SERPINB12: variants seen among roughly 807,000 people sequenced by gnomAD.
SERPINB12 encodes serpin B12.
Under a neutral mutation model 41.1 loss-of-function variants are expected in SERPINB12, and 57 were observed. The ratio of observed to expected loss-of-function variants is 1.39; its 90% CI spans 1.12 to 1.73. The LOEUF is 1.73. Ranked by LOEUF, SERPINB12 falls within the 40% of genes most tolerant of loss-of-function variation. The pLI, the probability that SERPINB12 is intolerant of heterozygous loss-of-function variation, is 0.00. For synonymous variants in SERPINB12, 180 were observed against 181.3 expected, an observed-to-expected ratio of 0.99 and a Z score of 0.06; for missense variants, 536 against 501.9, an observed-to-expected ratio of 1.07 and a Z score of -0.65.
the SERPINB12 span, among the ~76,000 whole-genome samples, chr18:63,527,928 T>A: frequency 6.6e-6 from 1 of 151,946 alleles, no homozygotes; most frequent in Non-Finnish European, 1.5e-5. Context: ...TTTCCCGTGC[T>A]GTTCTCATGA....
intron 5 of SERPINB12, among the ~76,000 whole-genome samples, chr18:63,562,276 G>C (rs1365555754): frequency 6.6e-6 from 1 of 152,250 alleles, no homozygotes; most frequent in Non-Finnish European, 1.5e-5. Flanking sequence ...GAAGGGTCAG[G>C]TCAGGCTGCT....
At chr18:63,549,863 C>T (rs1910480121) in intron 1 of SERPINB12, among the ~76,000 whole-genome samples, 1 of 152,144 alleles carries the variant, frequency 6.6e-6, no homozygotes, top group Non-Finnish European at 1.5e-5. Context: ...CTTTTGTGAG[C>T]ACAAGTGTTA....
Position 63,557,317 on chromosome 18 carries a change from A to G in SERPINB12, c.168+990A>G, listed in dbSNP as rs552472434. Among the ~76,000 whole-genome samples the G allele has an allele frequency of 2.3e-4, 35 of 152,130 alleles. No homozygotes were observed. In the South Asian group the frequency reaches 7.1e-3, roughly 31 times the overall value. On this transcript the variant is annotated intron_variant, in intron 2 of 7. Transcript: ENST00000382768. ...TATACGGGGCCTACTTTGACCTCCTAATCTAGTGCTGCATCCTGACCTCCA... is the reference window on the plus strand; with the variant it reads ...TATACGGGGCCTACTTTGACCTCCTGATCTAGTGCTGCATCCTGACCTCCA...
intron 2 of SERPINB12, among the ~76,000 whole-genome samples, chr18:63,557,777 T>C (rs542384574): frequency 6.6e-6 from 1 of 152,318 alleles, no homozygotes; most frequent in East Asian, 1.9e-4. Flanking sequence ...ACTTGTCTTT[T>C]GCTGTCCTCA....
Position 63,566,961 on chromosome 18 carries a change from CACA to C in SERPINB12, c.1233_1235del (p.Asn411del). The C allele has an allele frequency of 6.2e-7, 1 of 1,612,154 alleles. No homozygotes were observed. The highest frequency in any genetic ancestry group is 1.3e-5 in the African/African-American group (1 of 74,916). ...CCACCCTTTTCTCTTTTTCATTAGA[CACA>C]ACAAAACCCAAACCATTCTCTTTTA... On this transcript the variant is annotated inframe_deletion, in exon 8 of 8. Coordinates refer to ENST00000382768, the MANE Select transcript of SERPINB12 (RefSeq NM_001307928.2).
the SERPINB12 span, among the ~76,000 whole-genome samples, chr18:63,534,497 G>A: frequency 1.3e-5 from 2 of 152,088 alleles, no homozygotes; most frequent in Non-Finnish European, 2.9e-5. Flanking sequence ...TCATGAACCG[G>A]CATGATATTG....
At chr18:63,536,736 T>C in the SERPINB12 span, among the ~76,000 whole-genome samples, 1 of 152,274 alleles carries the variant, frequency 6.6e-6, no homozygotes, top group Non-Finnish European at 1.5e-5. Context: ...TGCTAGGTAC[T>C]ACATGGTGTA....
intron 1 of SERPINB12, among the ~76,000 whole-genome samples, chr18:63,548,228 A>T (rs1910434174): frequency 1.3e-5 from 2 of 152,136 alleles, no homozygotes; most frequent in Admixed American, 1.3e-4. Flanking sequence ...AGCAAAATAG[A>T]TCATTTGTTG....
At chr18:63,524,754 C>CTTT in the SERPINB12 span, among the ~76,000 whole-genome samples, 7 of 138,488 alleles carry the variant, frequency 5.1e-5, no homozygotes, top group Admixed American at 1.4e-4. Context: ...TTTCCCTTTC[C>CTTT]TTTTTTTTTT....
intron 6 of SERPINB12, 132 bp from the exon 7 acceptor site, chr18:63,565,313 C>G: frequency 1.3e-6 from 1 of 748,066 alleles, no homozygotes; most frequent in East Asian, 2.6e-5. Flanking sequence ...GGCTGGATCC[C>G]TGGTGTGGCT....
chr18:63,527,173 C>A, the SERPINB12 span, among the ~76,000 whole-genome samples: 3 of 152,120 alleles, frequency 2.0e-5, no homozygotes, highest in Admixed American at 6.6e-5. Context: ...ACAAATTTTC[C>A]TTTGTTTGCT....
Position 63,559,710 on chromosome 18 carries a change from A to G in SERPINB12, c.436A>G (p.Ile146Val), listed in dbSNP as rs1215216355. 1.2e-6 allele frequency: 2 copies of G among 1,614,052 alleles called. No individual in the cohort carries two copies. Among genetic ancestry groups the G allele is most frequent in the South Asian group, 1.1e-5 (1 of 91,052 alleles). The change falls in exon 4 of 8, where the codon ATC (isoleucine) becomes GTC (valine). Residue 146 changes from isoleucine to valine, a missense_variant. Coordinates refer to ENST00000382768, the MANE Select transcript of SERPINB12 (RefSeq NM_001307928.2). ...NRLYGEQEFP[I>V]CQEYLDGVIQ... ...GCTTTATGGAGAGCAGGAATTCCCAATCTGTCAGGTGAGTTGCACACGAAT... is the reference window on the plus strand; with the variant it reads ...GCTTTATGGAGAGCAGGAATTCCCAGTCTGTCAGGTGAGTTGCACACGAAT...
chr18:63,538,371 A>G (rs1358460106), upstream of SERPINB12, among the ~76,000 whole-genome samples: 1 of 152,032 alleles, frequency 6.6e-6, no homozygotes, highest in African/African-American at 2.4e-5. Context: ...AATCCTGGCA[A>G]CCACAATAAT....
chr18:63,559,059 TCTCCTTC>T (rs1381991668), intron 3 of SERPINB12, among the ~76,000 whole-genome samples: 39 of 83,036 alleles, frequency 4.7e-4, no homozygotes, highest in African/African-American at 1.2e-3. Flanking sequence ...TCTTTCTTTC[TCTCCTTC>T]TTCTCTCCTT....
intron 1 of SERPINB12, among the ~76,000 whole-genome samples, chr18:63,553,590 C>T (rs537432038): frequency 6.6e-6 from 1 of 152,310 alleles, no homozygotes; most frequent in East Asian, 1.9e-4. Flanking sequence ...CTCTTGTCTT[C>T]TTTTAATAGT....
At chr18:63,547,743 A>G in intron 1 of SERPINB12, among the ~76,000 whole-genome samples, 1 of 152,216 alleles carries the variant, frequency 6.6e-6, no homozygotes, top group South Asian at 2.1e-4. Flanking sequence ...TTTTTTTTAT[A>G]TTGCAGTAAG....
Position 63,565,533 on chromosome 18 carries a change from T to A in SERPINB12, c.794T>A (p.Met265Lys), listed in dbSNP as rs747610102. The stretch of plus-strand genomic sequence containing the variant: ...GAGGTGAAGGCACAGATCCTGGAAA[T>A]GAGGTACACCAAGGGGAAGCTCAGC... Reference protein sequence around the residue: ...IEEVKAQILEMRYTKGKLSMF... With the variant: ...IEEVKAQILEKRYTKGKLSMF... Residue 265 changes from methionine to lysine, a missense_variant, in exon 7 of 8, where the codon ATG (methionine) becomes AAG (lysine). By Grantham distance (95) the Met-to-Lys change is moderately conservative. Transcript: ENST00000382768. The A allele has an allele frequency of 6.8e-6, 11 of 1,613,758 alleles. No individual in the cohort carries two copies. In the African/African-American group the frequency reaches 1.3e-4, roughly 20 times the overall value.
chr18:63,565,350 A>C (rs772149935), intron 6 of SERPINB12, 95 bp from the exon 7 acceptor site: 327 of 1,192,014 alleles, frequency 2.7e-4, no homozygotes, highest in Non-Finnish European at 3.6e-4. Context: ...GAACCTTCTC[A>C]TCTTTAGGAA....
intron 7 of SERPINB12, 86 bp downstream of exon 7, chr18:63,565,698 A>G: frequency 7.0e-6 from 8 of 1,138,540 alleles, no homozygotes; most frequent in Non-Finnish European, 9.8e-6. Context: ...CATCTCGAGG[A>G]AATTCAGTAC....
Sources: allele counts gnomAD v4.1 joint callset (sites outside exome capture counted in the v4.1 genomes callset), GRCh38; gene constraint gnomAD v4.1.1; transcripts MANE v1.5; gene names NCBI Gene and HGNC (gene_info 2026-07-23, HGNC 2026-07-21).